INPP5B: variants seen among roughly 807,000 people sequenced by gnomAD.
INPP5B encodes the protein type II inositol 1,4,5-trisphosphate 5-phosphatase.
A neutral mutation model predicts 118.5 loss-of-function variants in INPP5B; 90 were observed. The ratio of observed to expected loss-of-function variants is 0.76; its 90% CI spans 0.64 to 0.90. INPP5B has a LOEUF of 0.90. Ranked by LOEUF, INPP5B falls within the 40% of genes least tolerant of loss-of-function variation. The pLI is 0.00. For missense variants in INPP5B, 984 were observed against 1,125.6 expected, an observed-to-expected ratio of 0.87 and a Z score of 1.80; for synonymous variants, 385 against 418.9, an observed-to-expected ratio of 0.92 and a Z score of 0.99.
intron 18 of INPP5B, 107 bp downstream of exon 18, chr1:37,873,886 C>T: frequency 1.3e-6 from 1 of 791,902 alleles, no homozygotes; most frequent in Admixed American, 3.7e-5. Flanking sequence ...AAGCCTCAAG[C>T]AGAGAATAAA....
chr1:37,891,423 A>AT lies in INPP5B; in HGVS notation c.563dup (p.Asn188LysfsTer16). On this transcript the variant is annotated frameshift_variant, in exon 8 of 24. Coordinates refer to ENST00000373024, the MANE Select transcript of INPP5B (RefSeq NM_005540.3). LOFTEE classifies it high-confidence loss of function. ...TTTGGTCCATAGGCACTCCCTTCCC[A>AT]TTTGGTCTCAAACCATCAAAGTTAG... The AT allele has an allele frequency of 6.2e-7, 1 of 1,613,938 alleles. No individual in the cohort carries two copies. The highest frequency in any genetic ancestry group is 8.5e-7 in the Non-Finnish European group (1 of 1,179,874).
At chr1:37,897,071 C>T (rs1644135911) in intron 7 of INPP5B, among the ~76,000 whole-genome samples, 1 of 149,266 alleles carries the variant, frequency 6.7e-6, no homozygotes, top group South Asian at 2.1e-4. Context: ...AGTGAGGAGC[C>T]CCTCTGCCCG....
intron 23 of INPP5B, among the ~76,000 whole-genome samples, chr1:37,864,058 G>A (rs1315592954): frequency 3.3e-5 from 5 of 151,768 alleles, no homozygotes; most frequent in Non-Finnish European, 7.4e-5. Context: ...CAGGTGATCC[G>A]TCCACCTGAG....
intron 19 of INPP5B, among the ~76,000 whole-genome samples, chr1:37,872,406 C>T (rs1461782061): frequency 6.6e-6 from 1 of 150,898 alleles, no homozygotes; most frequent in Non-Finnish European, 1.5e-5. Flanking sequence ...AGTCTTTCTC[C>T]ACTTGTAGAA....
chr1:37,864,450 C>A (rs1278882521), intron 22 of INPP5B, 27 bp from the exon 23 acceptor site: 1 of 1,303,134 alleles, frequency 7.7e-7, no homozygotes, highest in Non-Finnish European at 1.1e-6. Context: ...CGGGATTTGT[C>A]TTTTGTTCAC....
At chr1:37,863,582 A>G (rs1411513874) in intron 23 of INPP5B, among the ~76,000 whole-genome samples, 4 of 148,384 alleles carry the variant, frequency 2.7e-5, no homozygotes, top group South Asian at 2.2e-4. Flanking sequence ...CCAGCTACTC[A>G]GGAGGCCGAG....
chr1:37,922,828 C>A (rs529660693), intron 7 of INPP5B, among the ~76,000 whole-genome samples: 1 of 152,360 alleles, frequency 6.6e-6, no homozygotes, highest in South Asian at 2.1e-4. Flanking sequence ...TTTAGGCTGG[C>A]AAGGACTAAA....
chr1:37,878,989 G>A (rs1368541710), intron 15 of INPP5B, among the ~76,000 whole-genome samples: 3 of 150,326 alleles, frequency 2.0e-5, no homozygotes, highest in Non-Finnish European at 4.4e-5. Flanking sequence ...CAGGCACGGT[G>A]GCTCACGCCT....
rs1353433253 is a variant in INPP5B, at chr1:37,926,205, GA to G, written c.532+5707del. ...AGCATTCATTTCCTTTCACTGGCAT[GA>G]CAGACTTTAATACTTTGTTTCCTGG... On this transcript the variant is annotated intron_variant, in intron 7 of 23. Transcript: ENST00000373024. 3.3e-5 allele frequency among the ~76,000 whole-genome samples: 5 copies of G among 152,284 alleles called. 1 individual carries two copies. Among genetic ancestry groups the G allele is most frequent in the Admixed American group, 3.3e-4 (5 of 15,298 alleles).
intron 22 of INPP5B, 74 bp from the exon 23 acceptor site, chr1:37,864,497 C>T: frequency 2.4e-6 from 2 of 840,562 alleles, no homozygotes; most frequent in East Asian, 2.6e-5. Flanking sequence ...AGTCCAAGAA[C>T]TGTATACACG....
At chr1:37,940,408 G>T (rs1645867835) in intron 6 of INPP5B, among the ~76,000 whole-genome samples, 1 of 152,194 alleles carries the variant, frequency 6.6e-6, no homozygotes, top group Non-Finnish European at 1.5e-5. Flanking sequence ...ACTTGTAAGA[G>T]ATTCTGCATC....
At chr1:37,874,216 A>G in intron 17 of INPP5B, 61 bp from the exon 18 acceptor site, 1 of 1,297,696 alleles carries the variant, frequency 7.7e-7, no homozygotes, top group Non-Finnish European at 1.1e-6. Flanking sequence ...CTGCCCAGCC[A>G]CCCCAACTGG....
chr1:37,909,338 C>A (rs779544855), intron 7 of INPP5B, among the ~76,000 whole-genome samples: 28 of 151,992 alleles, frequency 1.8e-4, no homozygotes, highest in Non-Finnish European at 3.2e-4. Context: ...CTTGCCAGGC[C>A]GAGCCAGCTC....
intron 7 of INPP5B, among the ~76,000 whole-genome samples, chr1:37,924,247 C>T (rs1393004560): frequency 2.0e-5 from 3 of 151,970 alleles, no homozygotes; most frequent in Non-Finnish European, 4.4e-5. Context: ...CGGCTCACTG[C>T]AACCTCCACC....
intron 14 of INPP5B, among the ~76,000 whole-genome samples, chr1:37,880,915 G>A (rs1643161620): frequency 6.6e-6 from 1 of 152,142 alleles, no homozygotes; most frequent in Admixed American, 6.6e-5. Flanking sequence ...TAGAGGCAGG[G>A]TCTCACTATA....
rs755907744 is a variant in INPP5B, at chr1:37,864,441, G to C, written c.2515-18C>G. On this transcript the variant is annotated intron_variant, in intron 22 of 23. Coordinates refer to ENST00000373024, the MANE Select transcript of INPP5B (RefSeq NM_005540.3). ...GAAATGACCTGAAAGAGGAAGAACCGGGATTTGTCTTTTGTTCACTGAATC... is the reference window on the plus strand; with the variant it reads ...GAAATGACCTGAAAGAGGAAGAACCCGGATTTGTCTTTTGTTCACTGAATC... 2 of 1,444,206 alleles carry C rather than the reference G, an allele frequency of 1.4e-6. No individual in the cohort carries two copies. Among genetic ancestry groups the C allele is most frequent in the Admixed American group, 1.7e-5 (1 of 59,048 alleles). The allele number at this position is 1,444,206 out of a possible 1,614,324, so 89.5% of individuals were successfully genotyped here. A position where few individuals can be genotyped will look rare whatever the true frequency, so the allele number is the denominator to read the frequency against.
chr1:37,926,757 G>T (rs1645245795), intron 7 of INPP5B, among the ~76,000 whole-genome samples: 1 of 152,124 alleles, frequency 6.6e-6, no homozygotes, highest in Admixed American at 6.6e-5. Flanking sequence ...ATGTACCCAG[G>T]ATGCAATGCA....
intron 7 of INPP5B, among the ~76,000 whole-genome samples, chr1:37,897,837 G>A (rs1448880620): frequency 6.6e-6 from 1 of 152,142 alleles, no homozygotes; most frequent in Non-Finnish European, 1.5e-5. Flanking sequence ...TTGGGAGGCT[G>A]GGGAGGGATG....
rs764388872 is a variant in INPP5B at position 37,873,087 on chromosome 1, A to AT, written c.2029dup (p.Ile677AsnfsTer2). ...CAAGTGCAGAACCAGAATGTCCTCA[A>AT]TTTTGTCTTCACCCGAGTTGAGCTT... On this transcript the variant is annotated frameshift_variant, in exon 19 of 24. Coordinates refer to ENST00000373024, the MANE Select transcript of INPP5B (RefSeq NM_005540.3). LOFTEE classifies it high-confidence loss of function. The AT allele has an allele frequency of 6.2e-7, 1 of 1,614,142 alleles. No individual in the cohort carries two copies. Among genetic ancestry groups the AT allele is most frequent in the Admixed American group, 1.7e-5 (1 of 60,018 alleles).
Sources: gnomAD v4.1 joint callset for allele counts (sites outside exome capture counted in the v4.1 genomes callset) on GRCh38, gnomAD v4.1.1 for gene constraint, MANE v1.5 for transcripts, NCBI Gene and HGNC (gene_info 2026-07-23, HGNC 2026-07-21) for gene names.